BCKDHB: variants seen among roughly 807,000 people sequenced by gnomAD.
BCKDHB encodes branched chain keto acid dehydrogenase E1 subunit beta, also known as 2-oxoisovalerate dehydrogenase subunit beta, mitochondrial.
In BCKDHB, 41 loss-of-function variants were observed where a neutral mutation model predicts 48.5. The observed-to-expected ratio is 0.85, with a 90% CI of 0.66 to 1.10. The LOEUF (loss-of-function observed/expected upper bound fraction) is 1.10, where lower values mean the gene tolerates loss of function less well. BCKDHB is among the 50% of genes least tolerant of loss of function. BCKDHB has a pLI of 0.00. For synonymous variants in BCKDHB, 201 were observed against 174.8 expected (o/e 1.15, Z -1.18); for missense variants, 496 against 494.2 (o/e 1.00, Z -0.03).
chr6:80,267,640 A>G (rs1427827554), intron 8 of BCKDHB, among the ~76,000 whole-genome samples: 1 of 152,102 alleles, frequency 6.6e-6, no homozygotes, highest in African/African-American at 2.4e-5. Context: ...AGGTCGATTA[A>G]CTGACAGGAA....
chr6:80,442,390 TTATCA>T, the BCKDHB span, among the ~76,000 whole-genome samples: 1 of 152,214 alleles, frequency 6.6e-6, no homozygotes, highest in African/African-American at 2.4e-5. Flanking sequence ...GTATACTAAA[TTATCA>T]TATCAGTTTT....
chr6:80,140,608 A>C (rs935564048), intron 3 of BCKDHB, among the ~76,000 whole-genome samples: 17 of 151,586 alleles, frequency 1.1e-4, no homozygotes, highest in Admixed American at 3.9e-4. Context: ...GATTACATTT[A>C]TTGATTTGCG....
chr6:80,271,735 G>A (rs943158033), intron 8 of BCKDHB, among the ~76,000 whole-genome samples: 1 of 151,834 alleles, frequency 6.6e-6, no homozygotes, highest in Admixed American at 6.6e-5. Context: ...CTATAAGAGT[G>A]GTCTGATTCG....
At chr6:80,373,870 C>T in the BCKDHB span, 2 of 362,982 alleles carry the variant, frequency 5.5e-6, no homozygotes, top group Non-Finnish European at 1.1e-5. Context: ...TATTTTTCTA[C>T]CCCTTTACCT....
chr6:80,374,553 A>C, the BCKDHB span: 2 of 700,876 alleles, frequency 2.9e-6, no homozygotes, highest in South Asian at 3.0e-5. Flanking sequence ...CTCCCGGTCA[A>C]GTGTATAGGG....
chr6:80,356,797 A>G, the BCKDHB span: 1 of 152,078 alleles, frequency 6.6e-6, no homozygotes, highest in Non-Finnish European at 1.5e-5. Flanking sequence ...AGGATCTTTT[A>G]TCTGTCTGAT....
chr6:80,114,098 G>C (rs1276169912), intron 1 of BCKDHB, among the ~76,000 whole-genome samples: 2 of 152,060 alleles, frequency 1.3e-5, no homozygotes, highest in African/African-American at 4.8e-5. Flanking sequence ...TTTGTTACTT[G>C]GGCATGGGAA....
At chr6:80,400,860 T>A in the BCKDHB span, among the ~76,000 whole-genome samples, 1 of 151,972 alleles carries the variant, frequency 6.6e-6, no homozygotes, top group East Asian at 1.9e-4. Context: ...GTAGTACATA[T>A]ACACCACAGA....
intron 6 of BCKDHB, among the ~76,000 whole-genome samples, chr6:80,200,502 A>G (rs1188168057): frequency 6.6e-6 from 1 of 152,234 alleles, no homozygotes; most frequent in Non-Finnish European, 1.5e-5. Flanking sequence ...TGTAATAACA[A>G]TTTTTAAGAA....
At chr6:80,193,179 G>A (rs1392237818) in intron 6 of BCKDHB, among the ~76,000 whole-genome samples, 1 of 151,856 alleles carries the variant, frequency 6.6e-6, no homozygotes, top group African/African-American at 2.4e-5. Flanking sequence ...CAAAAGAACT[G>A]GAAATGTGAG....
chr6:80,267,418 G>A (rs1300842375), intron 8 of BCKDHB, among the ~76,000 whole-genome samples: 3 of 152,084 alleles, frequency 2.0e-5, no homozygotes, highest in African/African-American at 7.2e-5. Flanking sequence ...AGGAGGAAAG[G>A]TACCATGGGG....
At chr6:80,152,548 T>C (rs6916507) in intron 3 of BCKDHB, among the ~76,000 whole-genome samples, 56,077 of 152,048 alleles carry the variant, frequency 0.37, 12,289 homozygotes, top group Admixed American at 0.56. Context: ...CCCAAACATT[T>C]AGGTCATAAT....
At chr6:80,321,156 C>T (rs1187850859) in intron 9 of BCKDHB, among the ~76,000 whole-genome samples, 2 of 152,144 alleles carry the variant, frequency 1.3e-5, no homozygotes, top group East Asian at 3.9e-4. Context: ...GCTGTTGTCA[C>T]TCTTGGGAGG....
intron 9 of BCKDHB, among the ~76,000 whole-genome samples, chr6:80,331,636 A>G (rs1197256783): frequency 6.6e-6 from 1 of 152,208 alleles, no homozygotes; most frequent in African/African-American, 2.4e-5. Context: ...ACATGAGCCA[A>G]TCTGCAGTCG....
At chr6:80,434,434 C>A in the BCKDHB span, among the ~76,000 whole-genome samples, 1 of 151,694 alleles carries the variant, frequency 6.6e-6, no homozygotes, top group African/African-American at 2.4e-5. Context: ...AATTTTATCA[C>A]CTCTGTCCTA....
chr6:80,133,258 T>C (rs1770721080), intron 3 of BCKDHB, among the ~76,000 whole-genome samples: 1 of 152,192 alleles, frequency 6.6e-6, no homozygotes, highest in Admixed American at 6.5e-5. Flanking sequence ...CTGACATACG[T>C]TGTAAAGCTG....
At chr6:80,441,689 T>C in the BCKDHB span, among the ~76,000 whole-genome samples, 2 of 152,182 alleles carry the variant, frequency 1.3e-5, no homozygotes, top group African/African-American at 2.4e-5. Context: ...TTCCCATTAA[T>C]TCATTGAAAT....
chr6:80,466,052 A>T, the BCKDHB span: 1 of 152,212 alleles, frequency 6.6e-6, no homozygotes, highest in Non-Finnish European at 1.5e-5. Context: ...TCTACTTTTG[A>T]TAGAAGAATC....
chr6:80,382,277 A>G, the BCKDHB span, among the ~76,000 whole-genome samples: 1 of 152,128 alleles, frequency 6.6e-6, no homozygotes, highest in Non-Finnish European at 1.5e-5. Flanking sequence ...TGGTTTATAA[A>G]TTTTGGTCCT....
Sources: gnomAD v4.1 joint callset for allele counts (sites outside exome capture counted in the v4.1 genomes callset) on GRCh38, gnomAD v4.1.1 for gene constraint, MANE v1.5 for transcripts, NCBI Gene and HGNC (gene_info 2026-07-23, HGNC 2026-07-21) for gene names.